Variants in PPP6R2 observed in about 807,000 individuals in gnomAD.
PPP6R2 encodes the protein protein phosphatase 6 regulatory subunit 2, also known as serine/threonine-protein phosphatase 6 regulatory subunit 2.
Under a neutral mutation model 100.2 loss-of-function variants are expected in PPP6R2, and 62 were observed. That is an observed-to-expected ratio of 0.62 (90% CI 0.50 to 0.76). The LOEUF is 0.76. Among genes scored for constraint, PPP6R2 ranks in the 30% least tolerant of loss-of-function variants. The pLI is 0.00. For missense variants in PPP6R2, 1,142 were observed against 1,276.3 expected (o/e 0.89, Z 1.60); for synonymous variants, 525 against 514.7 (o/e 1.02, Z -0.27).
intron 10 of PPP6R2, among the ~76,000 whole-genome samples, chr22:50,427,427 T>C (rs2062352629): frequency 6.6e-6 from 1 of 152,192 alleles, no homozygotes; most frequent in African/African-American, 2.4e-5. Flanking sequence ...TTTCAATGTT[T>C]GCAAAATTGC....
chr22:50,399,241 A>C (rs1189569444), intron 3 of PPP6R2, among the ~76,000 whole-genome samples: 1 of 152,260 alleles, frequency 6.6e-6, no homozygotes, highest in African/African-American at 2.4e-5. Context: ...ATATATATGT[A>C]GACCAGGAGT....
the PPP6R2 span, among the ~76,000 whole-genome samples, chr22:50,337,485 C>A: frequency 1.3e-4 from 13 of 96,316 alleles, no homozygotes; most frequent in Non-Finnish European, 2.0e-4. Context: ...TGTTTGTCTG[C>A]GATGTGTGGT....
At chr22:50,357,162 G>A (rs189859822) in intron 1 of PPP6R2, among the ~76,000 whole-genome samples, 2 of 152,192 alleles carry the variant, frequency 1.3e-5, no homozygotes, top group East Asian at 1.9e-4. Context: ...CGGGCCATTC[G>A]TGTATTTTTT....
In PPP6R2 at chr22:50,440,944, GC is replaced by G; in HGVS notation, c.2499del (p.Met834TrpfsTer4). 6.2e-7 allele frequency: 1 copy of G among 1,613,546 alleles called. No individual in the cohort carries two copies. On this transcript the variant is annotated frameshift_variant, in exon 22 of 24. Transcript: ENST00000612753. LOFTEE classifies it high-confidence loss of function. ...SEDGDQKAAS[A>X]MDAVSRGPGR... Reference sequence around the variant, plus strand: ...GGATGGCGACCAGAAGGCAGCGAGTGCCATGGATGCGGTGAGCAGGGGTCCC... The same window carrying G: ...GGATGGCGACCAGAAGGCAGCGAGTGCATGGATGCGGTGAGCAGGGGTCCC...
At chr22:50,434,727 C>A (rs758048522) in intron 12 of PPP6R2, among the ~76,000 whole-genome samples, 2 of 111,698 alleles carry the variant, frequency 1.8e-5, no homozygotes, top group Non-Finnish European at 3.6e-5. Context: ...TGGGCAGGGG[C>A]CGGGCACTTG....
chr22:50,435,211 C>T (rs2063966213), intron 13 of PPP6R2, 130 bp downstream of exon 13: 1 of 650,406 alleles, frequency 1.5e-6, no homozygotes, highest in Non-Finnish European at 2.5e-6. Context: ...CCATGGCCAC[C>T]TCTGTCCTCT....
chr22:50,337,977 CTGTGTAGGGTGTGTATGT>C, the PPP6R2 span, among the ~76,000 whole-genome samples: 1 of 99,712 alleles, frequency 1.0e-5, no homozygotes, highest in Non-Finnish European at 2.0e-5. Flanking sequence ...GGTGTGTGTG[CTGTGTAGGGTGTGTATGT>C]TGTGTGGGTA....
intron 1 of PPP6R2, among the ~76,000 whole-genome samples, chr22:50,353,479 G>A (rs1332304380): frequency 1.3e-5 from 2 of 152,078 alleles, no homozygotes; most frequent in Non-Finnish European, 2.9e-5. Context: ...AATTAAAATA[G>A]TAACATCAAA....
chr22:50,426,208 C>A (rs980647016), intron 10 of PPP6R2, among the ~76,000 whole-genome samples: 1 of 152,224 alleles, frequency 6.6e-6, no homozygotes, highest in African/African-American at 2.4e-5. Flanking sequence ...CGGCCGTGGC[C>A]TCCCAAAGTG....
At chr22:50,435,185 A>C in intron 13 of PPP6R2, 104 bp downstream of exon 13, 1 of 936,082 alleles carries the variant, frequency 1.1e-6, no homozygotes, top group Non-Finnish European at 1.5e-6. Context: ...TGCTGACTGC[A>C]CTGACAGTGA....
rs1472820886 is a variant in PPP6R2 at position 50,437,861 on chromosome 22, C to T, written c.1800C>T (p.Ile600=). The T allele has an allele frequency of 5.8e-6, 9 of 1,553,568 alleles. No homozygotes were observed. The highest frequency in any genetic ancestry group is 1.7e-4 in the Middle Eastern group (1 of 5,998). Reference sequence around the variant, plus strand: ...CTTGCAGTGCCCCGTTTGACAGGATCGCAGAGATCAACTTCAACATCGACG... The same window carrying T: ...CTTGCAGTGCCCCGTTTGACAGGATTGCAGAGATCAACTTCAACATCGACG... ...DDNINAPFDR[I]AEINFNIDAD... The change falls in exon 17 of 24, where the codon ATC becomes ATT. Residue 600 remains isoleucine (I), a synonymous_variant. Transcript: ENST00000612753.
intron 1 of PPP6R2, among the ~76,000 whole-genome samples, chr22:50,355,963 C>T (rs1602186991): frequency 1.4e-5 from 2 of 145,232 alleles, no homozygotes; most frequent in East Asian, 4.0e-4. Context: ...TAGTGTATTT[C>T]CCTCTTTTTT....
At chr22:50,359,217 C>CT (rs368586121) in intron 1 of PPP6R2, among the ~76,000 whole-genome samples, 25,769 of 128,456 alleles carry the variant, frequency 0.2, 4,438 homozygotes, top group African/African-American at 0.45. Context: ...CCAGGCTGGT[C>CT]TTTTTTTTTT....
At chr22:50,415,635 A>G (rs1569454992) in intron 5 of PPP6R2, among the ~76,000 whole-genome samples, 1 of 152,204 alleles carries the variant, frequency 6.6e-6, no homozygotes, top group Non-Finnish European at 1.5e-5. Flanking sequence ...AGACCCCGAC[A>G]CTCACACTGG....
rs375963258 is a variant in PPP6R2 at position 50,423,319 on chromosome 22, G to A, written c.973-143G>A. ...GATGCCTTCATTTCTTCTGGCAGACGGCCCTCCCTGAGGAACCCCCACCAC... is the reference window on the plus strand; with the variant it reads ...GATGCCTTCATTTCTTCTGGCAGACAGCCCTCCCTGAGGAACCCCCACCAC... On this transcript the variant is annotated intron_variant, in intron 9 of 23. Transcript: ENST00000612753. The surrounding 1 kb of genome is among the most constrained non-coding windows in gnomAD (Gnocchi z 4.8). 757 of 899,214 alleles carry A rather than the reference G, an allele frequency of 8.4e-4. 2 individuals are homozygous for A. The highest frequency in any genetic ancestry group is 2.6e-3 in the Middle Eastern group (8 of 3,126). The allele number at this position is 899,214 out of a possible 1,614,324, so 55.7% of individuals were successfully genotyped here.
intron 19 of PPP6R2, 77 bp downstream of exon 19, chr22:50,438,839 G>C: frequency 7.1e-7 from 1 of 1,403,870 alleles, no homozygotes; most frequent in African/African-American, 1.4e-5. Context: ...TGTTGTGGAG[G>C]CTTCATTTGG....
At chr22:50,344,603 C>T (rs1390058994) in intron 1 of PPP6R2, among the ~76,000 whole-genome samples, 1 of 278 alleles carries the variant, frequency 3.6e-3, no homozygotes. Flanking sequence ...GTGCCCCCTC[C>T]AGTCAGTTCC....
chr22:50,355,688 T>A (rs2046376104), intron 1 of PPP6R2, among the ~76,000 whole-genome samples: 1 of 148,776 alleles, frequency 6.7e-6, no homozygotes, highest in Admixed American at 6.7e-5. Flanking sequence ...ACCCAGCTAA[T>A]TTTTTTCTAT....
intron 2 of PPP6R2, among the ~76,000 whole-genome samples, chr22:50,377,875 C>T (rs1446034414): frequency 7.2e-5 from 11 of 151,982 alleles, no homozygotes; most frequent in Non-Finnish European, 1.6e-4. Flanking sequence ...AGCGTGGTGG[C>T]ACGCACCTGT....
Sources: allele counts gnomAD v4.1 joint callset (sites outside exome capture counted in the v4.1 genomes callset), GRCh38; gene constraint gnomAD v4.1.1; non-coding constraint Gnocchi (gnomAD v3.1); transcripts MANE v1.5; gene names NCBI Gene and HGNC (gene_info 2026-07-23, HGNC 2026-07-21).